SLC24A3: variants seen among roughly 807,000 people sequenced by gnomAD.
SLC24A3 encodes the protein solute carrier family 24 member 3, also known as sodium/potassium/calcium exchanger 3.
In SLC24A3, 28 loss-of-function variants were observed where a neutral mutation model predicts 75.8. The ratio of observed to expected loss-of-function variants is 0.37; its 90% CI spans 0.27 to 0.51. SLC24A3 has a LOEUF of 0.51. Among genes scored for constraint, SLC24A3 ranks in the 20% least tolerant of loss-of-function variants. SLC24A3 has a pLI of 0.94. For synonymous variants in SLC24A3, 372 were observed against 334.1 expected (o/e 1.11, Z -1.24); for missense variants, 663 against 847.8 (o/e 0.78, Z 2.71).
rs544395954 is a variant in SLC24A3 at position 19,378,759 on chromosome 20, T to A, written c.271+97672T>A. ...TTTGCAAGTATGTATTTCCTTCATC[T>A]GTCTGTTTTCTCATTCCACAGTTAC... is the stretch of plus-strand genomic sequence containing the variant. On this transcript the variant is annotated intron_variant, in intron 2 of 16. Coordinates refer to ENST00000328041, the MANE Select transcript of SLC24A3 (RefSeq NM_020689.4). 1.8e-4 allele frequency among the ~76,000 whole-genome samples: 28 copies of A among 152,332 alleles called. 1 individual carries two copies. In the South Asian group the frequency reaches 2.7e-3, roughly 15 times the overall value.
chr20:19,327,047 T>A (rs1360919408), intron 2 of SLC24A3, among the ~76,000 whole-genome samples: 1 of 152,220 alleles, frequency 6.6e-6, no homozygotes, highest in East Asian at 1.9e-4. Flanking sequence ...TTAATTTAAC[T>A]TTTTTATTTC....
At chr20:19,335,241 G>A (rs547821200) in intron 2 of SLC24A3, among the ~76,000 whole-genome samples, 2 of 152,150 alleles carry the variant, frequency 1.3e-5, no homozygotes, top group Non-Finnish European at 2.9e-5. Flanking sequence ...AATTAAGAGG[G>A]CTAGAATGAA....
intron 1 of SLC24A3, among the ~76,000 whole-genome samples, chr20:19,226,709 A>T (rs1204548423): frequency 6.6e-6 from 1 of 152,192 alleles, no homozygotes; most frequent in African/African-American, 2.4e-5. Context: ...AGATACCATT[A>T]TTATCTCCAA....
At chr20:19,373,353 A>G (rs1986024078) in intron 2 of SLC24A3, among the ~76,000 whole-genome samples, 1 of 152,198 alleles carries the variant, frequency 6.6e-6, no homozygotes, top group South Asian at 2.1e-4. Context: ...GAGCCTTGGA[A>G]TGGTCTGACG....
At chr20:19,635,900 G>A (rs2031995037) in intron 6 of SLC24A3, among the ~76,000 whole-genome samples, 2 of 152,194 alleles carry the variant, frequency 1.3e-5, no homozygotes, top group African/African-American at 4.8e-5. Flanking sequence ...CAGCACTTTG[G>A]GAGGCCGAGA....
chr20:19,688,707 C>A (rs565769379), intron 12 of SLC24A3, among the ~76,000 whole-genome samples: 1 of 152,304 alleles, frequency 6.6e-6, no homozygotes, highest in South Asian at 2.1e-4. Context: ...TGGCACCCAG[C>A]CACAGTGCTT....
At chr20:19,666,318 A>G (rs1314562636) in intron 8 of SLC24A3, among the ~76,000 whole-genome samples, 3 of 151,434 alleles carry the variant, frequency 2.0e-5, no homozygotes, top group Admixed American at 2.0e-4. Context: ...CATCCTGGCT[A>G]ATACGGTGAA....
At chr20:19,451,015 A>G (rs1987471042) in intron 2 of SLC24A3, among the ~76,000 whole-genome samples, 1 of 152,128 alleles carries the variant, frequency 6.6e-6, no homozygotes, top group Non-Finnish European at 1.5e-5. Flanking sequence ...AAAAGGAAGA[A>G]AACACATTTT....
At position 19,681,972 on chromosome 20, in the gene SLC24A3, T is replaced by A; in HGVS notation, c.882T>A (p.Thr294=). 6.2e-7 allele frequency: 1 copy of A among 1,614,092 alleles called. No individual in the cohort carries two copies. The highest frequency in any genetic ancestry group is 1.7e-4 in the Middle Eastern group (1 of 6,028). The change falls in exon 10 of 17, where the codon ACT becomes ACA. Residue 294 remains threonine (T), a synonymous_variant. Transcript: ENST00000328041. ...EIDDSSNCDA[T]VVLLKKANFH... Reference sequence around the variant, plus strand: ...ATGACAGCAGCAACTGCGACGCAACTGTGGTGCTACTTAAGAAAGGTAACC... The same window carrying A: ...ATGACAGCAGCAACTGCGACGCAACAGTGGTGCTACTTAAGAAAGGTAACC...
At chr20:19,251,509 G>A (rs1272771542) in intron 1 of SLC24A3, among the ~76,000 whole-genome samples, 1 of 152,196 alleles carries the variant, frequency 6.6e-6, no homozygotes, top group African/African-American at 2.4e-5. Flanking sequence ...ATGAAACAGA[G>A]TGAGGGGAAA....
intron 12 of SLC24A3, among the ~76,000 whole-genome samples, chr20:19,691,871 G>A (rs554455150): frequency 6.6e-6 from 1 of 152,110 alleles, no homozygotes; most frequent in South Asian, 2.1e-4. Flanking sequence ...TGAAGAAACT[G>A]AGGTGTAGAG....
intron 2 of SLC24A3, among the ~76,000 whole-genome samples, chr20:19,350,362 CT>C (rs755641004): frequency 6.6e-6 from 1 of 152,166 alleles, no homozygotes; most frequent in African/African-American, 2.4e-5. Flanking sequence ...CCTATTCTTT[CT>C]TTTCATTCTT....
At chr20:19,524,005 A>G (rs2030150947) in intron 3 of SLC24A3, among the ~76,000 whole-genome samples, 1 of 152,170 alleles carries the variant, frequency 6.6e-6, no homozygotes, top group African/African-American at 2.4e-5. Context: ...CCTTAGACAG[A>G]CAGGGGATTG....
At chr20:19,336,364 A>AT (rs1985133544) in intron 2 of SLC24A3, among the ~76,000 whole-genome samples, 1 of 152,126 alleles carries the variant, frequency 6.6e-6, no homozygotes, top group Admixed American at 6.5e-5. Flanking sequence ...TTATAGAAAA[A>AT]GTTTTCTGAC....
At chr20:19,489,763 T>A (rs1260978864) in intron 2 of SLC24A3, among the ~76,000 whole-genome samples, 1 of 134,616 alleles carries the variant, frequency 7.4e-6, no homozygotes. Flanking sequence ...AAATTATATA[T>A]GTTCAGAAAA....
chr20:19,273,944 C>T (rs1983405256), intron 1 of SLC24A3, among the ~76,000 whole-genome samples: 1 of 151,056 alleles, frequency 6.6e-6, no homozygotes, highest in African/African-American at 2.4e-5. Context: ...TTCAGTCCCT[C>T]CAATAGGACA....
chr20:19,423,227 C>G (rs1055555196), intron 2 of SLC24A3, among the ~76,000 whole-genome samples: 1 of 152,106 alleles, frequency 6.6e-6, no homozygotes, highest in South Asian at 2.1e-4. Flanking sequence ...TACTGGTCAT[C>G]CAGATGTTGT....
intron 2 of SLC24A3, among the ~76,000 whole-genome samples, chr20:19,351,489 C>T (rs1232261914): frequency 6.6e-6 from 1 of 152,166 alleles, no homozygotes; most frequent in Non-Finnish European, 1.5e-5. Flanking sequence ...ATGTCCTGGC[C>T]TGCGAGTCAA....
At chr20:19,689,300 C>G (rs935585251) in intron 12 of SLC24A3, among the ~76,000 whole-genome samples, 1 of 152,194 alleles carries the variant, frequency 6.6e-6, no homozygotes, top group Non-Finnish European at 1.5e-5. Context: ...CTTTTTCTCT[C>G]TTTGATAGAA....
Sources: allele counts gnomAD v4.1 joint callset (sites outside exome capture counted in the v4.1 genomes callset), GRCh38; gene constraint gnomAD v4.1.1; transcripts MANE v1.5; gene names NCBI Gene and HGNC (gene_info 2026-07-23, HGNC 2026-07-21).